The following FBXO40 variants were observed in gnomAD, a reference collection of about 807,000 sequenced individuals.
FBXO40 encodes F-box protein 40.
A neutral mutation model predicts 49.9 loss-of-function variants in FBXO40; 50 were observed. The ratio of observed to expected loss-of-function variants is 1.00; its 90% CI spans 0.80 to 1.27. The LOEUF (loss-of-function observed/expected upper bound fraction) is 1.27. FBXO40 is among the 50% of genes most tolerant of loss of function. The pLI, the probability that FBXO40 is intolerant of heterozygous loss-of-function variation, is 0.00. For synonymous variants in FBXO40, 340 were observed against 320.2 expected, an observed-to-expected ratio of 1.06 and a Z score of -0.66; for missense variants, 895 against 870.1, an observed-to-expected ratio of 1.03 and a Z score of -0.36.
chr3:121,622,869 C>A lies in FBXO40; in HGVS notation c.1440C>A (p.Asn480Lys). Residue 480 changes from asparagine to lysine, a missense_variant, in exon 3 of 4, where the codon AAC becomes AAA. Asn to Lys is a moderately conservative substitution (Grantham distance 94). Coordinates refer to ENST00000338040, the MANE Select transcript of FBXO40 (RefSeq NM_016298.4). ...KSSSAFTFTC[N>K]KFFRRDEFPL... ...GCTCTGCCTTCACTTTCACTTGCAA[C>A]AAATTCTTCAGGAGGGATGAGTTCC... 1 of 1,614,206 alleles carries A rather than the reference C, an allele frequency of 6.2e-7. No homozygotes were observed. The highest frequency in any genetic ancestry group is 8.5e-7 in the Non-Finnish European group (1 of 1,180,036).
chr3:121,623,380 C>A, intron 3 of FBXO40, 37 bp downstream of exon 3: 1 of 1,550,886 alleles, frequency 6.4e-7, no homozygotes, highest in East Asian at 2.3e-5. Context: ...ACTCATTCAG[C>A]AATTTTTTGT....
At chr3:121,604,978 T>TTTA (rs2108845728) in intron 1 of FBXO40, among the ~76,000 whole-genome samples, 1 of 147,800 alleles carries the variant, frequency 6.8e-6, no homozygotes, top group Non-Finnish European at 1.5e-5. Context: ...TTATTTATTA[T>TTTA]TTATTTATTT....
chr3:121,618,544 G>A (rs1433191427), intron 1 of FBXO40, among the ~76,000 whole-genome samples: 2 of 135,054 alleles, frequency 1.5e-5, no homozygotes, highest in African/African-American at 2.8e-5. Flanking sequence ...ATGCCACAGT[G>A]CCCGGTTAAT....
chr3:121,612,769 T>C (rs115369052), intron 1 of FBXO40, among the ~76,000 whole-genome samples: 1,851 of 152,018 alleles, frequency 0.012, 36 homozygotes, highest in African/African-American at 0.034. Context: ...GCCAGTGTTA[T>C]ATTAAAAAAA....
At chr3:121,594,643 C>G (rs1456979612) in intron 1 of FBXO40, among the ~76,000 whole-genome samples, 4 of 152,222 alleles carry the variant, frequency 2.6e-5, no homozygotes, top group Non-Finnish European at 5.9e-5. Flanking sequence ...ACTGTATTTT[C>G]TGTATATACT....
Position 121,622,615 on chromosome 3 carries a change from A to T in FBXO40, c.1186A>T (p.Ile396Phe). ...TVEDLPKSDL[I>F]KTTLQCALER... The stretch of plus-strand genomic sequence containing the variant: ...GGAGGACCTGCCCAAATCAGATCTC[A>T]TCAAGACCACCCTCCAGTGTGCTTT... The change falls in exon 3 of 4, where the codon ATC becomes TTC. Residue 396 changes from isoleucine (I) to phenylalanine (F), a missense_variant. Transcript: ENST00000338040. 6.2e-7 allele frequency: 1 copy of T among 1,611,362 alleles called. No individual in the cohort carries two copies. Among genetic ancestry groups the T allele is most frequent in the Non-Finnish European group, 8.5e-7 (1 of 1,177,458 alleles).
chr3:121,604,970 ATTT>A (rs755313336), intron 1 of FBXO40, among the ~76,000 whole-genome samples: 4 of 142,474 alleles, frequency 2.8e-5, no homozygotes, highest in Non-Finnish European at 4.6e-5. Flanking sequence ...TTATTTATTT[ATTT>A]ATTATTTATT....
intron 1 of FBXO40, among the ~76,000 whole-genome samples, chr3:121,615,846 A>G (rs1426005196): frequency 5.9e-5 from 9 of 152,144 alleles, no homozygotes; most frequent in Non-Finnish European, 2.9e-5. Flanking sequence ...GGATGTGGCT[A>G]TCTTCAGACC....
chr3:121,611,471 G>C (rs1053019021), intron 1 of FBXO40, among the ~76,000 whole-genome samples: 2 of 152,126 alleles, frequency 1.3e-5, no homozygotes, highest in Non-Finnish European at 2.9e-5. Flanking sequence ...ACATCTCAGC[G>C]GAGTAAAGAA....
chr3:121,624,918 C>T (rs372322287), intron 3 of FBXO40, among the ~76,000 whole-genome samples: 3 of 152,040 alleles, frequency 2.0e-5, no homozygotes, highest in East Asian at 1.9e-4. Flanking sequence ...CTGAGAGTGC[C>T]GCCTGTTCCC....
At chr3:121,619,376 T>G (rs1361412332) in intron 1 of FBXO40, among the ~76,000 whole-genome samples, 1 of 152,164 alleles carries the variant, frequency 6.6e-6, no homozygotes, top group Non-Finnish European at 1.5e-5. Flanking sequence ...AGACTAACAC[T>G]GTGCTGAAAT....
In FBXO40 at chr3:121,607,148, C is replaced by T. The variant is rs139579403; in HGVS notation, c.-30-13398C>T. Among the ~76,000 whole-genome samples the T allele has an allele frequency of 4.0e-4, 60 of 151,488 alleles. No homozygotes were observed. In the East Asian group the frequency reaches 0.011, roughly 29 times the overall value. ...GGCATAGTGGTGCATGCCTGTAGTC[C>T]CAGCTACTTGGAAGGCTGAGGCAGG... is the stretch of plus-strand genomic sequence containing the variant. On this transcript the variant is annotated intron_variant, in intron 1 of 3. Coordinates refer to ENST00000338040, the MANE Select transcript of FBXO40 (RefSeq NM_016298.4).
At chr3:121,606,146 C>G (rs2048931143) in intron 1 of FBXO40, among the ~76,000 whole-genome samples, 1 of 152,170 alleles carries the variant, frequency 6.6e-6, no homozygotes, top group African/African-American at 2.4e-5. Flanking sequence ...AACCTTGCCC[C>G]CAAGCTTATC....
At chr3:121,604,391 G>C (rs2048919951) in intron 1 of FBXO40, among the ~76,000 whole-genome samples, 1 of 152,190 alleles carries the variant, frequency 6.6e-6, no homozygotes, top group African/African-American at 2.4e-5. Flanking sequence ...TTAATAATAA[G>C]AATAGGGCCC....
intron 3 of FBXO40, among the ~76,000 whole-genome samples, chr3:121,624,711 T>C (rs1400116804): frequency 2.0e-5 from 3 of 152,152 alleles, no homozygotes; most frequent in Non-Finnish European, 4.4e-5. Flanking sequence ...TGAAGGTGCC[T>C]TTATCAGGCG....
intron 1 of FBXO40, among the ~76,000 whole-genome samples, chr3:121,595,325 C>T (rs1209070351): frequency 6.6e-6 from 1 of 152,142 alleles, no homozygotes; most frequent in Non-Finnish European, 1.5e-5. Context: ...AAGGTGTATG[C>T]TGGGATGCTG....
chr3:121,617,716 G>A (rs1357544665), intron 1 of FBXO40, among the ~76,000 whole-genome samples: 22 of 150,640 alleles, frequency 1.5e-4, no homozygotes, highest in Non-Finnish European at 3.0e-5. Context: ...ATAACTAAAA[G>A]AGGCCAGGCA....
Position 121,622,077 on chromosome 3 carries a change from C to T in FBXO40, c.648C>T (p.Gly216=). 6.2e-7 allele frequency: 1 copy of T among 1,614,130 alleles called. No individual in the cohort carries two copies. Among genetic ancestry groups the T allele is most frequent in the Non-Finnish European group, 8.5e-7 (1 of 1,180,024 alleles). ...TKEGMDLVKF[G]QWENIFSKEH... ...AAGGGATGGACCTGGTCAAGTTTGGCCAGTGGGAAAATATTTTCAGCAAAG... is the reference window on the plus strand; with the variant it reads ...AAGGGATGGACCTGGTCAAGTTTGGTCAGTGGGAAAATATTTTCAGCAAAG... The change falls in exon 3 of 4, where the codon GGC becomes GGT. Residue 216 remains glycine (G), a synonymous_variant. Transcript: ENST00000338040.
intron 1 of FBXO40, among the ~76,000 whole-genome samples, chr3:121,616,846 C>T (rs1422486539): frequency 3.9e-5 from 6 of 152,104 alleles, no homozygotes; most frequent in African/African-American, 2.4e-5. Context: ...ACTTGGCAAT[C>T]GAATGGAACA....
Sources: gnomAD v4.1 joint callset for allele counts (sites outside exome capture counted in the v4.1 genomes callset) on GRCh38, gnomAD v4.1.1 for gene constraint, MANE v1.5 for transcripts, NCBI Gene and HGNC (gene_info 2026-07-23, HGNC 2026-07-21) for gene names.